Variants in TRAF3IP1 observed in about 807,000 individuals in gnomAD.
TRAF3IP1 encodes intraflagellar transport 54, also known as TRAF3-interacting protein 1.
Under a neutral mutation model 89.9 loss-of-function variants are expected in TRAF3IP1, and 53 were observed. The observed-to-expected ratio is 0.59, with a 90% CI of 0.47 to 0.74. The LOEUF (loss-of-function observed/expected upper bound fraction) is 0.74, where lower values mean the gene tolerates loss of function less well. TRAF3IP1 is among the 30% of genes least tolerant of loss of function. The probability of loss-of-function intolerance (pLI) is 0.00; values close to 1 mark genes in which losing one functional copy is unlikely to be tolerated. For missense variants in TRAF3IP1, 806 were observed against 866.1 expected, an observed-to-expected ratio of 0.93 and a Z score of 0.87; for synonymous variants, 311 against 322.1, an observed-to-expected ratio of 0.97 and a Z score of 0.37.
At chr2:238,362,063 C>T (rs976643071) in intron 15 of TRAF3IP1, among the ~76,000 whole-genome samples, 1 of 152,152 alleles carries the variant, frequency 6.6e-6, no homozygotes, top group African/African-American at 2.4e-5. Flanking sequence ...TGTCTGTGTC[C>T]TGCGACAGCG....
rs751788504 is a variant in TRAF3IP1, at chr2:238,348,720, T to G, written c.1283-44T>G. 13 of 1,498,128 alleles carry G rather than the reference T, an allele frequency of 8.7e-6. No homozygotes were observed. The East Asian group carries it at 2.3e-4, about 26-fold the overall frequency. The allele number at this position is 1,498,128 out of a possible 1,614,324, so 92.8% of individuals were successfully genotyped here. A position where few individuals can be genotyped will look rare whatever the true frequency, so the allele number is the denominator to read the frequency against. ...TAGTATTTTCAAATAGTTATCTATG[T>G]GTGTTTTCCTTTGTGAATTGCTAAT... On this transcript the variant is annotated intron_variant, in intron 10 of 16. Coordinates refer to ENST00000373327, the MANE Select transcript of TRAF3IP1 (RefSeq NM_015650.4).
chr2:238,334,975 A>G (rs1371564613), intron 7 of TRAF3IP1, among the ~76,000 whole-genome samples: 1 of 152,188 alleles, frequency 6.6e-6, no homozygotes, highest in Non-Finnish European at 1.5e-5. Flanking sequence ...GACCAGTGAA[A>G]TGGTCCTTGT....
chr2:238,349,546 G>T (rs1699052326), intron 12 of TRAF3IP1, 138 bp downstream of exon 12: 2 of 820,068 alleles, frequency 2.4e-6, no homozygotes, highest in Admixed American at 2.3e-5. Flanking sequence ...GTGAGGGTAG[G>T]CCCTCGCCTC....
intron 7 of TRAF3IP1, among the ~76,000 whole-genome samples, chr2:238,337,739 TC>T (rs1285545530): frequency 6.6e-6 from 1 of 152,088 alleles, no homozygotes; most frequent in Admixed American, 6.5e-5. Flanking sequence ...GGGTCTGGGC[TC>T]CTAGGGGGTG....
chr2:238,366,301 A>C (rs1036745048), intron 15 of TRAF3IP1, among the ~76,000 whole-genome samples: 3 of 152,244 alleles, frequency 2.0e-5, no homozygotes, highest in Non-Finnish European at 2.9e-5. Flanking sequence ...CCATGGGTGT[A>C]TTATAGACCA....
chr2:238,337,525 G>C (rs1266666262), intron 7 of TRAF3IP1, among the ~76,000 whole-genome samples: 2 of 152,248 alleles, frequency 1.3e-5, no homozygotes, highest in African/African-American at 4.8e-5. Flanking sequence ...GACTTAGGTT[G>C]TAGAAGGCCT....
At chr2:238,359,272 A>G (rs963624873) in intron 15 of TRAF3IP1, among the ~76,000 whole-genome samples, 4 of 152,150 alleles carry the variant, frequency 2.6e-5, no homozygotes, top group African/African-American at 7.2e-5. Context: ...ATCCATGCCA[A>G]CGACAGTCAA....
intron 3 of TRAF3IP1, 141 bp downstream of exon 3, chr2:238,326,111 C>A: frequency 1.3e-6 from 1 of 747,716 alleles, no homozygotes; most frequent in Non-Finnish European, 2.1e-6. Context: ...AATCTGATCC[C>A]ACCCCTTCTG....
intron 7 of TRAF3IP1, among the ~76,000 whole-genome samples, chr2:238,337,746 G>C (rs1255287028): frequency 6.6e-6 from 1 of 152,134 alleles, no homozygotes; most frequent in African/African-American, 2.4e-5. Context: ...GGCTCCTAGG[G>C]GGTGGCCTTT....
intron 12 of TRAF3IP1, among the ~76,000 whole-genome samples, chr2:238,352,030 A>G (rs541027093): frequency 3.9e-5 from 6 of 152,184 alleles, no homozygotes; most frequent in South Asian, 2.1e-4. Flanking sequence ...AGGAGGGGCC[A>G]TTAAGGAGCC....
intron 15 of TRAF3IP1, among the ~76,000 whole-genome samples, chr2:238,369,958 T>C (rs1559383046): frequency 6.6e-6 from 1 of 152,314 alleles, no homozygotes; most frequent in Non-Finnish European, 1.5e-5. Context: ...CTTTGTGTCC[T>C]TTCAGCCTGC....
At chr2:238,378,800 C>T (rs931397484) in intron 15 of TRAF3IP1, among the ~76,000 whole-genome samples, 7 of 152,296 alleles carry the variant, frequency 4.6e-5, no homozygotes, top group South Asian at 2.1e-4. Context: ...CCGGGACCCC[C>T]CCCCAGGCCC....
intron 15 of TRAF3IP1, among the ~76,000 whole-genome samples, chr2:238,390,008 G>A (rs567266030): frequency 1.3e-5 from 2 of 152,230 alleles, no homozygotes; most frequent in South Asian, 2.1e-4. Flanking sequence ...AAGTGTGTGC[G>A]CACGTGAGCA....
intron 15 of TRAF3IP1, among the ~76,000 whole-genome samples, chr2:238,370,793 A>G (rs1389375620): frequency 6.6e-6 from 1 of 152,200 alleles, no homozygotes; most frequent in Non-Finnish European, 1.5e-5. Flanking sequence ...TCGCCAGTTG[A>G]ACAGAAGTTA....
intron 1 of TRAF3IP1, among the ~76,000 whole-genome samples, chr2:238,324,400 C>T (rs1697709312): frequency 6.6e-6 from 1 of 152,018 alleles, no homozygotes; most frequent in Non-Finnish European, 1.5e-5. Context: ...TCTGTTCCCT[C>T]CATTGCACCT....
Position 238,360,828 on chromosome 2 carries a change from C to T in TRAF3IP1, c.1689+4748C>T, listed in dbSNP as rs550641772. On this transcript the variant is annotated intron_variant, in intron 15 of 16. Coordinates refer to ENST00000373327, the MANE Select transcript of TRAF3IP1 (RefSeq NM_015650.4). ...CTGGGAGGCGGAGGTTGCAGTGAGC[C>T]GAGATTGCGCCACTGCACTCCAGCC... Among the ~76,000 whole-genome samples the T allele has an allele frequency of 4.0e-5, 6 of 151,642 alleles. No homozygotes were observed. In the East Asian group the frequency reaches 9.9e-4, roughly 25 times the overall value.
intron 14 of TRAF3IP1, among the ~76,000 whole-genome samples, chr2:238,353,796 C>A (rs1023041380): frequency 6.6e-6 from 1 of 151,932 alleles, no homozygotes; most frequent in Non-Finnish European, 1.5e-5. Flanking sequence ...TTATTTGAGG[C>A]GGAGTCTTGC....
At chr2:238,335,561 A>G (rs1698343816) in intron 7 of TRAF3IP1, among the ~76,000 whole-genome samples, 1 of 152,070 alleles carries the variant, frequency 6.6e-6, no homozygotes, top group Non-Finnish European at 1.5e-5. Context: ...ACTCTTCATG[A>G]CTCAAGAATT....
intron 15 of TRAF3IP1, among the ~76,000 whole-genome samples, chr2:238,365,831 GAAAT>G (rs1412787149): frequency 2.6e-5 from 4 of 152,040 alleles, no homozygotes; most frequent in Non-Finnish European, 5.9e-5. Flanking sequence ...TGTTTTTAAA[GAAAT>G]AAGGTGATAG....
Sources: gnomAD v4.1 joint callset for allele counts (sites outside exome capture counted in the v4.1 genomes callset) on GRCh38, gnomAD v4.1.1 for gene constraint, MANE v1.5 for transcripts, NCBI Gene and HGNC (gene_info 2026-07-23, HGNC 2026-07-21) for gene names.